The following BMPR2 variants were observed in gnomAD, a reference collection of about 807,000 sequenced individuals.
BMPR2 encodes the protein bone morphogenetic protein receptor type 2.
Under a neutral mutation model 100.8 loss-of-function variants are expected in BMPR2, and 29 were observed. The ratio of observed to expected loss-of-function variants is 0.29; its 90% CI spans 0.21 to 0.39. The LOEUF (loss-of-function observed/expected upper bound fraction) is 0.39. Among genes scored for constraint, BMPR2 ranks in the 10% least tolerant of loss-of-function variants. The probability of loss-of-function intolerance (pLI) is 1.00; values close to 1 mark genes in which losing one functional copy is unlikely to be tolerated. For missense variants in BMPR2, 1,011 were observed against 1,274.5 expected (o/e 0.79, Z 3.15); for synonymous variants, 382 against 442.3 (o/e 0.86, Z 1.71).
Position 202,506,622 on chromosome 2 carries a change from C to T in BMPR2, c.419-7097C>T, listed in dbSNP as rs186318649. Among the ~76,000 whole-genome samples the T allele has an allele frequency of 2.3e-3, 353 of 152,062 alleles. 1 individual carries two copies. The highest frequency in any genetic ancestry group is 8.0e-3 in the African/African-American group (332 of 41,450). ...CAGGGCACATATTCTGTCCATAGGC[C>T]GGGTGCGGTGGCTCACACCTGTAAT... On this transcript the variant is annotated intron_variant, in intron 3 of 12. Coordinates refer to ENST00000374580, the MANE Select transcript of BMPR2 (RefSeq NM_001204.7).
chr2:202,539,003 C>T (rs1348191793), intron 9 of BMPR2, among the ~76,000 whole-genome samples: 1 of 152,022 alleles, frequency 6.6e-6, no homozygotes, highest in Non-Finnish European at 1.5e-5. Context: ...TGAGTCGATG[C>T]ACTCCTTTAA....
chr2:202,497,475 C>G (rs567206981), intron 3 of BMPR2, among the ~76,000 whole-genome samples: 153 of 152,342 alleles, frequency 1.0e-3, no homozygotes, highest in African/African-American at 3.6e-3. Flanking sequence ...GGAAAGGGCT[C>G]TCTAACAACC....
chr2:202,470,883 A>G lies in BMPR2; in HGVS notation c.418+3194A>G, dbSNP rs557630105. ...GAATTTCACAACCAGCCTGGGCAAC[A>G]TAGACCTTATCTCAAAAAAAAATTA... On this transcript the variant is annotated intron_variant, in intron 3 of 12. Coordinates refer to ENST00000374580, the MANE Select transcript of BMPR2 (RefSeq NM_001204.7). 3.3e-5 allele frequency among the ~76,000 whole-genome samples: 5 copies of G among 152,192 alleles called. No homozygotes were observed. The South Asian group carries it at 6.2e-4, about 19-fold the overall frequency.
chr2:202,488,600 T>C (rs1198495598), intron 3 of BMPR2, among the ~76,000 whole-genome samples: 1 of 151,998 alleles, frequency 6.6e-6, no homozygotes, highest in Non-Finnish European at 1.5e-5. Flanking sequence ...CTAGAATCTT[T>C]TTTTTAATGT....
intron 3 of BMPR2, among the ~76,000 whole-genome samples, chr2:202,471,789 A>G (rs1027622064): frequency 2.6e-5 from 4 of 152,196 alleles, no homozygotes; most frequent in Non-Finnish European, 4.4e-5. Context: ...TTTCAATGTT[A>G]AATGTGCTGA....
intron 3 of BMPR2, chr2:202,505,020 G>C: frequency 5.8e-6 from 1 of 173,250 alleles, no homozygotes. Flanking sequence ...CAAATGCATT[G>C]TGCTAGTTGG....
intron 1 of BMPR2, among the ~76,000 whole-genome samples, chr2:202,388,188 G>A (rs1168362533): frequency 6.6e-6 from 1 of 151,094 alleles, no homozygotes; most frequent in African/African-American, 2.4e-5. Context: ...ACTGAGATCA[G>A]GAGTTTGAGA....
intron 3 of BMPR2, among the ~76,000 whole-genome samples, chr2:202,480,953 T>TCTA (rs1692647691): frequency 4.6e-5 from 2 of 43,348 alleles, no homozygotes; most frequent in Admixed American, 3.4e-4. Flanking sequence ...AGACTCCGTC[T>TCTA]AAAAAAAAAA....
Position 202,556,103 on chromosome 2 carries a change from A to G in BMPR2, c.2438A>G (p.Asn813Ser). Residue 813 changes from asparagine to serine, a missense_variant, in exon 12 of 13, where the codon AAC becomes AGC. Around this residue, in one of 6 missense-constraint regions of BMPR2, gnomAD observed 508 missense variants for 552.0 expected, o/e 0.92. Transcript: ENST00000374580. Reference sequence around the variant, plus strand: ...ACCATGAATGGTGTGGCAGGTAGAAACCACAGTGTTAACTCCCATGCTGCC... The same window carrying G: ...ACCATGAATGGTGTGGCAGGTAGAAGCCACAGTGTTAACTCCCATGCTGCC... ...TVTMNGVAGR[N>S]HSVNSHAATT... 6.2e-7 allele frequency: 1 copy of G among 1,614,182 alleles called. No homozygotes were observed. Among genetic ancestry groups the G allele is most frequent in the Non-Finnish European group, 8.5e-7 (1 of 1,180,036 alleles).
At position 202,559,709 on chromosome 2, in the gene BMPR2, A is replaced by C. The variant is rs755657070; in HGVS notation, c.2880A>C (p.Thr960=). The C allele has an allele frequency of 9.3e-6, 15 of 1,614,168 alleles. No homozygotes were observed. In the South Asian group the frequency reaches 1.6e-4, roughly 18 times the overall value. ...DGSSIQIGES[T]QDGKSGSGEK... ...TTTTATTTTCAGTAGGTGAGTCAAC[A>C]CAAGATGGCAAATCAGGATCAGGTG... The change falls in exon 13 of 13, where the codon ACA becomes ACC. Residue 960 remains threonine (T), a synonymous_variant. Transcript: ENST00000374580.
At chr2:202,383,456 T>A (rs1690343184) in intron 1 of BMPR2, among the ~76,000 whole-genome samples, 2 of 152,006 alleles carry the variant, frequency 1.3e-5, no homozygotes, top group South Asian at 4.1e-4. Flanking sequence ...CAAGGTGGGC[T>A]GATCACCTGA....
At chr2:202,383,174 T>TA (rs1447107896) in intron 1 of BMPR2, among the ~76,000 whole-genome samples, 1 of 152,230 alleles carries the variant, frequency 6.6e-6, no homozygotes, top group Non-Finnish European at 1.5e-5. Context: ...GCTTACTCTG[T>TA]AATCCTGGCA....
At chr2:202,443,387 ATTG>A (rs979154091) in intron 1 of BMPR2, among the ~76,000 whole-genome samples, 1 of 150,654 alleles carries the variant, frequency 6.6e-6, no homozygotes, top group African/African-American at 2.5e-5. Context: ...GAACTTCCAT[ATTG>A]TTTTCCATAG....
At chr2:202,436,631 C>A (rs958570149) in intron 1 of BMPR2, among the ~76,000 whole-genome samples, 3 of 150,742 alleles carry the variant, frequency 2.0e-5, no homozygotes, top group Admixed American at 6.6e-5. Context: ...CTAAGTAGAT[C>A]ATCTGTCAGA....
At chr2:202,538,873 G>A (rs917585736) in intron 9 of BMPR2, among the ~76,000 whole-genome samples, 1 of 151,760 alleles carries the variant, frequency 6.6e-6, no homozygotes. Context: ...GTTCGATGGG[G>A]TATTGACAGA....
chr2:202,529,253 C>T (rs1687971854), intron 7 of BMPR2, among the ~76,000 whole-genome samples: 1 of 152,198 alleles, frequency 6.6e-6, no homozygotes, highest in Non-Finnish European at 1.5e-5. Flanking sequence ...TTTAAAAATA[C>T]ATATAACTAA....
chr2:202,559,922 A>C lies in BMPR2; in HGVS notation c.3093A>C (p.Lys1031Asn). The C allele has an allele frequency of 6.2e-7, 1 of 1,614,166 alleles. No homozygotes were observed. Among genetic ancestry groups the C allele is most frequent in the Non-Finnish European group, 8.5e-7 (1 of 1,180,040 alleles). ...EGGTATTMVS[K>N]DIGMNCL ...GCACTGCTACAACCATGGTGTCTAA[A>C]GATATAGGAATGAACTGTCTGTGAA... The change falls in exon 13 of 13, where the codon AAA (lysine) becomes AAC (asparagine). Residue 1031 changes from lysine to asparagine, a missense_variant. Coordinates refer to ENST00000374580, the MANE Select transcript of BMPR2 (RefSeq NM_001204.7).
chr2:202,553,862 A>G (rs971929212), intron 11 of BMPR2, among the ~76,000 whole-genome samples: 5 of 152,000 alleles, frequency 3.3e-5, no homozygotes, highest in East Asian at 3.9e-4. Flanking sequence ...CTAATTTTGT[A>G]TATTTATTAG....
chr2:202,419,916 A>G lies in BMPR2; in HGVS notation c.76+42366A>G, dbSNP rs908325748. 1.4e-4 allele frequency among the ~76,000 whole-genome samples: 22 copies of G among 152,314 alleles called. 1 individual carries two copies. Among genetic ancestry groups the G allele is most frequent in the South Asian group, 1.0e-3 (5 of 4,822 alleles). ...GTAATACGCGCACTTTGGGTGGCCA[A>G]CGCAGGAGGATGGCTTTAGGCCAGG... On this transcript the variant is annotated intron_variant, in intron 1 of 12. Coordinates refer to ENST00000374580, the MANE Select transcript of BMPR2 (RefSeq NM_001204.7).
Sources: allele counts gnomAD v4.1 joint callset (sites outside exome capture counted in the v4.1 genomes callset), GRCh38; gene constraint gnomAD v4.1.1; regional missense constraint gnomAD v4.1.1; transcripts MANE v1.5; gene names NCBI Gene and HGNC (gene_info 2026-07-23, HGNC 2026-07-21).